Variants in ADGRL3 observed in about 807,000 individuals in gnomAD.
ADGRL3 encodes the protein calcium-independent alpha-latrotoxin receptor 3.
A neutral mutation model predicts 153.5 loss-of-function variants in ADGRL3; 62 were observed. The observed-to-expected ratio is 0.40, with a 90% CI of 0.33 to 0.50. The LOEUF (loss-of-function observed/expected upper bound fraction) is 0.50. ADGRL3 is among the 20% of genes least tolerant of loss of function. The pLI, the probability that ADGRL3 is intolerant of heterozygous loss-of-function variation, is 0.47. For synonymous variants in ADGRL3, 710 were observed against 672.5 expected, an observed-to-expected ratio of 1.06 and a Z score of -0.86; for missense variants, 1,641 against 1,859.4, an observed-to-expected ratio of 0.88 and a Z score of 2.16.
Position 61,803,885 on chromosome 4 carries a change from A to G in ADGRL3, c.1400-9924A>G, listed in dbSNP as rs1561278594. ...ATACCTAGTACCTCCAAATTATGCT[A>G]ATAATGCTTCCTATTCTTTGAGTGT... On this transcript the variant is annotated intron_variant, in intron 8 of 26. Transcript: ENST00000683033. 2.6e-5 allele frequency among the ~76,000 whole-genome samples: 4 copies of G among 152,242 alleles called. No individual in the cohort carries two copies. The South Asian group carries it at 8.3e-4, about 32-fold the overall frequency.
chr4:61,476,769 T>C (rs2098065793), intron 2 of ADGRL3, among the ~76,000 whole-genome samples: 1 of 142,342 alleles, frequency 7.0e-6, no homozygotes, highest in Admixed American at 7.0e-5. Context: ...ATAGACAGGG[T>C]TTTGCCATGT....
At chr4:61,669,535 A>G (rs889868347) in intron 5 of ADGRL3, among the ~76,000 whole-genome samples, 13 of 152,298 alleles carry the variant, frequency 8.5e-5, no homozygotes, top group Admixed American at 1.3e-4. Context: ...TTTAAACATT[A>G]ATATTATATG....
At position 62,031,422 on chromosome 4, in the gene ADGRL3, A is replaced by C; in HGVS notation, c.3423-20A>C. On this transcript the variant is annotated intron_variant, in intron 22 of 26. Transcript: ENST00000683033. Reference sequence around the variant, plus strand: ...AAGATCAATTATTTAATAACCCTTAATTTTCTCTTCTCTCTACAGGTCATG... The same window carrying C: ...AAGATCAATTATTTAATAACCCTTACTTTTCTCTTCTCTCTACAGGTCATG... 6.4e-7 allele frequency: 1 copy of C among 1,565,094 alleles called. No individual in the cohort carries two copies. The highest frequency in any genetic ancestry group is 8.7e-7 in the Non-Finnish European group (1 of 1,152,964).
chr4:61,456,834 A>G (rs1035233556), intron 2 of ADGRL3, among the ~76,000 whole-genome samples: 3 of 151,986 alleles, frequency 2.0e-5, no homozygotes, highest in Non-Finnish European at 2.9e-5. Context: ...TGAAAATTAG[A>G]GAATTGTATA....
In ADGRL3 at chr4:61,517,076, GTT is replaced by G. The variant is rs11315799; in HGVS notation, c.56-224_56-223del. ...TAATCATTATTAGAGATTAGGATGA[GTT>G]TTTTTTTTTTTTTTAGCTTAATTAA... is the stretch of plus-strand genomic sequence containing the variant. On this transcript the variant is annotated intron_variant, in intron 3 of 26. Coordinates refer to ENST00000683033, the MANE Select transcript of ADGRL3 (RefSeq NM_001387552.1). 2.9e-3 allele frequency among the ~76,000 whole-genome samples: 410 copies of G among 139,982 alleles called. 4 individuals are homozygous for G. The highest frequency in any genetic ancestry group is 8.8e-3 in the African/African-American group (343 of 38,798). 91.8% of individuals were successfully genotyped at this position (139,982 alleles called of 152,430 possible).
intron 3 of ADGRL3, 77 bp downstream of exon 3, chr4:61,497,425 T>G: frequency 8.5e-6 from 7 of 827,504 alleles, no homozygotes; most frequent in Non-Finnish European, 1.3e-5. Context: ...TGGGATCTTT[T>G]CTCTGAGACT....
chr4:61,282,413 G>T (rs1219925018), intron 1 of ADGRL3, among the ~76,000 whole-genome samples: 1 of 151,950 alleles, frequency 6.6e-6, no homozygotes, highest in African/African-American at 2.4e-5. Context: ...TCCGCATTTG[G>T]TTATTAAATT....
chr4:62,040,912 A>G (rs1727918570), intron 24 of ADGRL3, among the ~76,000 whole-genome samples: 1 of 152,078 alleles, frequency 6.6e-6, no homozygotes, highest in Non-Finnish European at 1.5e-5. Flanking sequence ...AAGGAAATTC[A>G]GGGAAACAGA....
chr4:61,333,681 T>G (rs540363441), intron 1 of ADGRL3, among the ~76,000 whole-genome samples: 75 of 152,168 alleles, frequency 4.9e-4, no homozygotes, highest in Non-Finnish European at 9.7e-4. Context: ...CATGCAGCCT[T>G]GAGCTCCTGG....
At chr4:61,505,394 T>G (rs1432587552) in intron 3 of ADGRL3, among the ~76,000 whole-genome samples, 2 of 152,134 alleles carry the variant, frequency 1.3e-5, no homozygotes, top group African/African-American at 4.8e-5. Context: ...TTTATTGTTA[T>G]TATGACTATA....
chr4:61,536,654 T>G (rs147414819), intron 4 of ADGRL3, among the ~76,000 whole-genome samples: 6 of 152,220 alleles, frequency 3.9e-5, no homozygotes, highest in Non-Finnish European at 5.9e-5. Context: ...CTTTGTCTTT[T>G]TTTAGTATTG....
intron 8 of ADGRL3, among the ~76,000 whole-genome samples, chr4:61,804,498 ATTC>A (rs2097532743): frequency 6.6e-6 from 1 of 152,188 alleles, no homozygotes; most frequent in South Asian, 2.1e-4. Flanking sequence ...TCCTCCTCTG[ATTC>A]TTCATCAGTT....
chr4:61,216,757 A>G (rs1468763536), intron 1 of ADGRL3, among the ~76,000 whole-genome samples: 3 of 152,180 alleles, frequency 2.0e-5, no homozygotes, highest in African/African-American at 7.2e-5. Flanking sequence ...CCTTTCCTCT[A>G]TGTCACACTG....
chr4:61,315,424 T>C (rs2095171900), intron 1 of ADGRL3, among the ~76,000 whole-genome samples: 1 of 152,222 alleles, frequency 6.6e-6, no homozygotes, highest in South Asian at 2.1e-4. Context: ...TAACCTAGAC[T>C]AGCCATAAAT....
At chr4:61,363,800 T>C (rs145255093) in intron 1 of ADGRL3, among the ~76,000 whole-genome samples, 10 of 152,266 alleles carry the variant, frequency 6.6e-5, no homozygotes, top group African/African-American at 2.4e-4. Context: ...AGGTATCTCA[T>C]AGTCCCGATT....
chr4:61,837,564 A>G (rs771783874), intron 9 of ADGRL3, among the ~76,000 whole-genome samples: 6 of 152,070 alleles, frequency 3.9e-5, no homozygotes, highest in Non-Finnish European at 8.8e-5. Flanking sequence ...AAATTTTCCA[A>G]AGGGGACTCA....
intron 1 of ADGRL3, among the ~76,000 whole-genome samples, chr4:61,297,926 C>A (rs541038549): frequency 2.2e-4 from 34 of 152,114 alleles, no homozygotes; most frequent in African/African-American, 8.2e-4. Context: ...GTGTGTTTTA[C>A]CTTAAGAAGC....
chr4:61,713,182 A>T (rs1379768887), intron 6 of ADGRL3, among the ~76,000 whole-genome samples: 1 of 152,130 alleles, frequency 6.6e-6, no homozygotes. Context: ...GCATTTTTAT[A>T]TTAATTATAC....
At chr4:61,842,110 G>A (rs1163576234) in intron 9 of ADGRL3, among the ~76,000 whole-genome samples, 1 of 152,036 alleles carries the variant, frequency 6.6e-6, no homozygotes, top group Non-Finnish European at 1.5e-5. Context: ...TGTTAAAAAG[G>A]CACTAGTGAA....
Sources: allele counts gnomAD v4.1 joint callset (sites outside exome capture counted in the v4.1 genomes callset), GRCh38; gene constraint gnomAD v4.1.1; transcripts MANE v1.5; gene names NCBI Gene and HGNC (gene_info 2026-07-23, HGNC 2026-07-21).